The following NEO1 variants were observed in gnomAD, a reference collection of about 807,000 sequenced individuals.
NEO1 encodes the protein neogenin 1.
Under a neutral mutation model 159.7 loss-of-function variants are expected in NEO1, and 63 were observed. That is an observed-to-expected ratio of 0.39 (90% CI 0.32 to 0.49). The LOEUF is 0.49. Among genes scored for constraint, NEO1 ranks in the 20% least tolerant of loss-of-function variants. The probability of loss-of-function intolerance (pLI) is 0.85; values close to 1 mark genes in which losing one functional copy is unlikely to be tolerated. For synonymous variants in NEO1, 633 were observed against 662.0 expected, an observed-to-expected ratio of 0.96 and a Z score of 0.67; for missense variants, 1,615 against 1,831.0, an observed-to-expected ratio of 0.88 and a Z score of 2.15.
chr15:73,301,259 C>A, intron 27 of NEO1, 62 bp from the exon 28 acceptor site: 1 of 1,605,234 alleles, frequency 6.2e-7, no homozygotes, highest in Non-Finnish European at 8.5e-7. Context: ...GACCTTAGGG[C>A]CTTCATGAGG....
In NEO1 at chr15:73,217,456, A is replaced by G. The variant is rs1307384386; in HGVS notation, c.1292-18891A>G. Reference sequence around the variant, plus strand: ...ATGAACTTTAAAGTAGTTTTTTCCAATTCTGTGAAGAAAGTCATTGGTAGC... The same window carrying G: ...ATGAACTTTAAAGTAGTTTTTTCCAGTTCTGTGAAGAAAGTCATTGGTAGC... On this transcript the variant is annotated intron_variant, in intron 7 of 28. Coordinates refer to ENST00000261908, the MANE Select transcript of NEO1 (RefSeq NM_002499.4). 3.7e-4 allele frequency among the ~76,000 whole-genome samples: 56 copies of G among 151,526 alleles called. 1 individual carries two copies. In the South Asian group the frequency reaches 0.011, roughly 30 times the overall value.
intron 1 of NEO1, among the ~76,000 whole-genome samples, chr15:73,116,339 G>T (rs770678802): frequency 2.2e-4 from 34 of 151,750 alleles, no homozygotes; most frequent in Non-Finnish European, 1.2e-4. Flanking sequence ...TTCCCCTAAT[G>T]TTCTTCTAAA....
intron 1 of NEO1, among the ~76,000 whole-genome samples, chr15:73,055,159 A>G (rs186509756): frequency 6.6e-6 from 1 of 152,316 alleles, no homozygotes; most frequent in African/African-American, 2.4e-5. Flanking sequence ...ATTCTGAAAA[A>G]GGGCAGATTA....
At chr15:73,246,880 G>T (rs2039822457) in intron 9 of NEO1, among the ~76,000 whole-genome samples, 1 of 152,188 alleles carries the variant, frequency 6.6e-6, no homozygotes, top group South Asian at 2.1e-4. Context: ...AAGAAAAGGG[G>T]TGAAGAAGAG....
At chr15:73,201,173 TTATTTCTGCTCTAATTTTTATTATTCCC>T (rs2036860680) in intron 7 of NEO1, among the ~76,000 whole-genome samples, 2 of 151,756 alleles carry the variant, frequency 1.3e-5, no homozygotes, top group Non-Finnish European at 2.9e-5. Flanking sequence ...TCAATTTCAT[TTATTTCTGCTCTAATTTTTATTATTCCC>T]CTTCTTCTGC....
chr15:73,054,224 T>C (rs1265407539), intron 1 of NEO1, among the ~76,000 whole-genome samples: 1 of 152,206 alleles, frequency 6.6e-6, no homozygotes, highest in African/African-American at 2.4e-5. Flanking sequence ...TCATGATCTA[T>C]TTTATATGGA....
intron 11 of NEO1, among the ~76,000 whole-genome samples, chr15:73,250,698 T>G (rs2040026278): frequency 6.6e-6 from 1 of 151,970 alleles, no homozygotes; most frequent in Non-Finnish European, 1.5e-5. Flanking sequence ...ATATTAGTTT[T>G]GTGAAAGAAA....
Position 73,136,042 on chromosome 15 carries a change from A to G in NEO1, c.1015+15A>G. The G allele has an allele frequency of 6.3e-7, 1 of 1,577,982 alleles. No individual in the cohort carries two copies. Among genetic ancestry groups the G allele is most frequent in the Non-Finnish European group, 8.6e-7 (1 of 1,167,914 alleles). On this transcript the variant is annotated intron_variant, in intron 5 of 28. Coordinates refer to ENST00000261908, the MANE Select transcript of NEO1 (RefSeq NM_002499.4). ...TACAGTGCAAGGTATGTAAATATTTACTGTATAATTTAAAAATCCTGTGTA... is the reference window on the plus strand; with the variant it reads ...TACAGTGCAAGGTATGTAAATATTTGCTGTATAATTTAAAAATCCTGTGTA...
At chr15:73,120,165 T>A (rs1010028940) in intron 2 of NEO1, among the ~76,000 whole-genome samples, 2 of 151,770 alleles carry the variant, frequency 1.3e-5, no homozygotes, top group African/African-American at 4.8e-5. Flanking sequence ...TAATTTAATT[T>A]AATTTAATTT....
chr15:73,099,570 A>C (rs2070284262), intron 1 of NEO1, among the ~76,000 whole-genome samples: 1 of 152,194 alleles, frequency 6.6e-6, no homozygotes, highest in Admixed American at 6.5e-5. Context: ...GCTTATGTTT[A>C]AATTGTTAGA....
At chr15:73,156,863 A>G (rs1453669030) in intron 5 of NEO1, among the ~76,000 whole-genome samples, 1 of 152,158 alleles carries the variant, frequency 6.6e-6, no homozygotes, top group African/African-American at 2.4e-5. Flanking sequence ...TGGTGGGTGC[A>G]TCTACCTTCC....
intron 5 of NEO1, among the ~76,000 whole-genome samples, chr15:73,148,330 A>C (rs1185080729): frequency 6.6e-6 from 1 of 152,142 alleles, no homozygotes; most frequent in Admixed American, 6.6e-5. Flanking sequence ...CTTCAATTTT[A>C]GTTAGGTTCC....
intron 7 of NEO1, among the ~76,000 whole-genome samples, chr15:73,235,065 C>T (rs2039099425): frequency 6.6e-6 from 1 of 152,220 alleles, no homozygotes; most frequent in Non-Finnish European, 1.5e-5. Flanking sequence ...TTCTCCCTTT[C>T]CACCTATCTA....
Position 73,303,947 on chromosome 15 carries a change from G to C in NEO1, c.*1251G>C, listed in dbSNP as rs2042705062. On this transcript the variant is annotated 3_prime_UTR_variant, in exon 29 of 29. Coordinates refer to ENST00000261908, the MANE Select transcript of NEO1 (RefSeq NM_002499.4). ...ACGACTCCTTCTTCTCTCTAGTTCAGTCTTCAGCCAGTCCAGCGCTCTCTT... is the reference window on the plus strand; with the variant it reads ...ACGACTCCTTCTTCTCTCTAGTTCACTCTTCAGCCAGTCCAGCGCTCTCTT... 6.6e-6 allele frequency: 1 copy of C among 152,218 alleles called. No homozygotes were observed. The highest frequency in any genetic ancestry group is 2.4e-5 in the African/African-American group (1 of 41,430). The allele number at this position is 152,218 out of a possible 1,614,324, so 9.4% of individuals were successfully genotyped here.
intron 1 of NEO1, among the ~76,000 whole-genome samples, chr15:73,092,103 A>G (rs996707389): frequency 6.6e-5 from 10 of 152,320 alleles, no homozygotes; most frequent in African/African-American, 2.2e-4. Context: ...TTATGCTTAT[A>G]TTGAAATAAG....
rs760662348 is a variant in NEO1, at chr15:73,288,489, A to G, written c.3587A>G (p.Asp1196Gly). The change falls in exon 24 of 29, where the codon GAT (aspartate) becomes GGT (glycine). Residue 1196 changes from aspartate (D) to glycine (G), a missense_variant. By Grantham distance (94) the Asp-to-Gly change is moderately conservative. Coordinates refer to ENST00000261908, the MANE Select transcript of NEO1 (RefSeq NM_002499.4). Reference sequence around the variant, plus strand: ...ACTCCAATTCCTCGCAACTCTCAAGATATCACACCAGTTGACAACTCCATG... The same window carrying G: ...ACTCCAATTCCTCGCAACTCTCAAGGTATCACACCAGTTGACAACTCCATG... ...TDTPIPRNSQ[D>G]ITPVDNSMDS... The G allele has an allele frequency of 5.0e-6, 8 of 1,614,166 alleles. No homozygotes were observed. The South Asian group carries it at 8.8e-5, about 18-fold the overall frequency.
chr15:73,091,151 A>G, intron 1 of NEO1, among the ~76,000 whole-genome samples: 1 of 152,220 alleles, frequency 6.6e-6, no homozygotes, highest in Non-Finnish European at 1.5e-5. Flanking sequence ...ACAGCATACC[A>G]TAATTTACTT....
rs1567254664 is a variant in NEO1, at chr15:73,126,242, GT to G, written c.725-174del. ...AAAGCAGTAAAGTGCTTTGTCGTGT[GT>G]GTATGTGGTAATGATGGGGTCTTGC... On this transcript the variant is annotated intron_variant, in intron 3 of 28. Transcript: ENST00000261908. Among the ~76,000 whole-genome samples, 7 of 152,280 alleles carry G rather than the reference GT, an allele frequency of 4.6e-5. No homozygotes were observed. In the South Asian group the frequency reaches 1.4e-3, roughly 32 times the overall value.
At chr15:73,150,904 T>G (rs2033316198) in intron 5 of NEO1, among the ~76,000 whole-genome samples, 1 of 152,216 alleles carries the variant, frequency 6.6e-6, no homozygotes, top group Non-Finnish European at 1.5e-5. Context: ...TTGTCTGTGT[T>G]TGTTTGTTTA....
Sources: allele counts gnomAD v4.1 joint callset (sites outside exome capture counted in the v4.1 genomes callset), GRCh38; gene constraint gnomAD v4.1.1; transcripts MANE v1.5; gene names NCBI Gene and HGNC (gene_info 2026-07-23, HGNC 2026-07-21).